Variants in UST observed in about 807,000 individuals in gnomAD.
UST encodes uronyl 2-sulfotransferase.
UST carries 21 observed loss-of-function variants against 45.6 expected under a neutral mutation model. The ratio of observed to expected loss-of-function variants is 0.46; its 90% CI spans 0.33 to 0.66. The LOEUF is 0.66. Ranked by LOEUF, UST falls within the 30% of genes least tolerant of loss-of-function variation. The pLI, the probability that UST is intolerant of heterozygous loss-of-function variation, is 0.02. For synonymous variants in UST, 215 were observed against 200.6 expected (o/e 1.07, Z -0.61); for missense variants, 463 against 512.4 (o/e 0.90, Z 0.93).
chr6:149,001,900 C>T (rs994973753), intron 5 of UST, among the ~76,000 whole-genome samples: 9 of 151,876 alleles, frequency 5.9e-5, no homozygotes, highest in Non-Finnish European at 1.0e-4. Context: ...AATTCATCTC[C>T]GATTTGGAGG....
intron 5 of UST, among the ~76,000 whole-genome samples, chr6:149,004,888 C>G (rs1006709399): frequency 9.2e-5 from 14 of 152,148 alleles, no homozygotes; most frequent in African/African-American, 3.4e-4. Flanking sequence ...GGCCGGAATG[C>G]AGTGGTGCGA....
At chr6:148,943,017 GTACA>G (rs10609221) in intron 3 of UST, among the ~76,000 whole-genome samples, 76,922 of 151,566 alleles carry the variant, frequency 0.51, 19,689 homozygotes, top group South Asian at 0.62. Flanking sequence ...GTATAAGATT[GTACA>G]TACAGTAGGG....
intron 7 of UST, among the ~76,000 whole-genome samples, chr6:149,030,204 C>T (rs1172658294): frequency 2.0e-5 from 3 of 152,130 alleles, no homozygotes; most frequent in Non-Finnish European, 2.9e-5. Context: ...ACAGCACTGA[C>T]ATTCACGCTT....
At chr6:148,862,152 A>T (rs539535626) in intron 1 of UST, among the ~76,000 whole-genome samples, 2 of 152,262 alleles carry the variant, frequency 1.3e-5, no homozygotes, top group African/African-American at 4.8e-5. Context: ...GTGGGTCTCT[A>T]AGGACTTGCT....
Position 148,758,660 on chromosome 6 carries a change from A to T in UST, c.247+10983A>T, listed in dbSNP as rs778715387. ...ATTGACAGTCAGAGCAAGAGCAGTGAACCGCAGAAGCAGATCTTGTGTCTT... is the reference window on the plus strand; with the variant it reads ...ATTGACAGTCAGAGCAAGAGCAGTGTACCGCAGAAGCAGATCTTGTGTCTT... On this transcript the variant is annotated intron_variant, in intron 1 of 7. Transcript: ENST00000367463. Among the ~76,000 whole-genome samples, 3 of 152,200 alleles carry T rather than the reference A, an allele frequency of 2.0e-5. No individual in the cohort carries two copies. In the East Asian group the frequency reaches 5.8e-4, roughly 29 times the overall value.
chr6:148,990,340 G>A, intron 5 of UST: 5 of 953,638 alleles, frequency 5.2e-6, no homozygotes, highest in Non-Finnish European at 6.2e-6. Flanking sequence ...AAGATTTGAT[G>A]CCATGAGATC....
intron 2 of UST, among the ~76,000 whole-genome samples, chr6:148,907,291 A>G (rs562006233): frequency 6.6e-6 from 1 of 152,342 alleles, no homozygotes; most frequent in South Asian, 2.1e-4. Flanking sequence ...GAAATTTAGT[A>G]TATTGCAGAC....
intron 7 of UST, among the ~76,000 whole-genome samples, chr6:149,067,612 G>A (rs993096342): frequency 6.6e-6 from 1 of 152,150 alleles, no homozygotes; most frequent in East Asian, 1.9e-4. Flanking sequence ...CTTTTGTCAG[G>A]CTGGTAAGGT....
intron 2 of UST, among the ~76,000 whole-genome samples, chr6:148,900,230 C>T (rs1779223054): frequency 6.6e-6 from 1 of 152,110 alleles, no homozygotes; most frequent in African/African-American, 2.4e-5. Context: ...CTTGCCTGCT[C>T]CCATCAGAAC....
intron 1 of UST, among the ~76,000 whole-genome samples, chr6:148,772,409 T>TG (rs1776446808): frequency 6.7e-6 from 1 of 149,520 alleles, no homozygotes; most frequent in African/African-American, 2.4e-5. Flanking sequence ...GAACTTACCT[T>TG]GGGTGGGCCC....
chr6:149,034,528 C>T (rs1360926110), intron 7 of UST, among the ~76,000 whole-genome samples: 1 of 152,120 alleles, frequency 6.6e-6, no homozygotes, highest in Admixed American at 6.6e-5. Flanking sequence ...CCTGCCCTCC[C>T]TTCCCCCAGA....
intron 1 of UST, among the ~76,000 whole-genome samples, chr6:148,840,427 A>T (rs1360443105): frequency 1.3e-5 from 2 of 152,208 alleles, no homozygotes; most frequent in Non-Finnish European, 2.9e-5. Flanking sequence ...CAAGAATGCC[A>T]ATAGGTGCTC....
intron 7 of UST, among the ~76,000 whole-genome samples, chr6:149,029,766 A>G (rs1776111535): frequency 6.6e-6 from 1 of 151,802 alleles, no homozygotes; most frequent in Admixed American, 6.6e-5. Flanking sequence ...ACAGGACTCC[A>G]ATTTGCTATT....
chr6:148,939,111 T>C (rs960764321), intron 2 of UST, among the ~76,000 whole-genome samples: 2 of 152,134 alleles, frequency 1.3e-5, no homozygotes, highest in Non-Finnish European at 2.9e-5. Flanking sequence ...GAATTCTATT[T>C]ATAATGACAT....
chr6:149,038,905 T>C (rs533437779), intron 7 of UST, among the ~76,000 whole-genome samples: 1 of 152,270 alleles, frequency 6.6e-6, no homozygotes, highest in Non-Finnish European at 1.5e-5. Context: ...GAGTTTTAGT[T>C]TGAAGAATGT....
At chr6:148,877,358 A>G (rs1434661406) in intron 1 of UST, among the ~76,000 whole-genome samples, 1 of 30,996 alleles carries the variant, frequency 3.2e-5, no homozygotes, top group Non-Finnish European at 5.6e-5. Context: ...ATGAGTGCAG[A>G]GATCGTGTAT....
intron 6 of UST, 33 bp from the exon 7 acceptor site, chr6:149,021,291 T>A (rs567358525): frequency 5.7e-4 from 884 of 1,556,364 alleles, no homozygotes; most frequent in Non-Finnish European, 7.3e-4. Flanking sequence ...AATATGAATG[T>A]CTGATTTTAA....
chr6:149,047,417 G>T (rs1429284835), intron 7 of UST, among the ~76,000 whole-genome samples: 1 of 152,198 alleles, frequency 6.6e-6, no homozygotes. Context: ...TCCAATAGAA[G>T]TAGGATTTTC....
In UST at chr6:149,003,444, C is replaced by CA. The variant is rs59560602; in HGVS notation, c.682-15683dup. ...ATGTCCAATTTGGTAAAAAACAAAA[C>CA]AAAAAAAAAAAACATTAAGGCACCT... On this transcript the variant is annotated intron_variant, in intron 5 of 7. Transcript: ENST00000367463. Among the ~76,000 whole-genome samples the CA allele has an allele frequency of 5.5e-3, 780 of 140,552 alleles. 11 individuals are homozygous for CA. The highest frequency in any genetic ancestry group is 0.035 in the South Asian group (160 of 4,556). The allele number at this position is 140,552 out of a possible 152,430, so 92.2% of individuals were successfully genotyped here. A position where few individuals can be genotyped will look rare whatever the true frequency, so the allele number is the denominator to read the frequency against.
Sources: allele counts gnomAD v4.1 joint callset (sites outside exome capture counted in the v4.1 genomes callset), GRCh38; gene constraint gnomAD v4.1.1; transcripts MANE v1.5; gene names NCBI Gene and HGNC (gene_info 2026-07-23, HGNC 2026-07-21).